The following EDIL3 variants were observed in gnomAD, a reference collection of about 807,000 sequenced individuals.
EDIL3 encodes EGF-like repeat and discoidin I-like domain-containing protein 3.
EDIL3 carries 37 observed loss-of-function variants against 67.4 expected under a neutral mutation model. That is an observed-to-expected ratio of 0.55 (90% CI 0.42 to 0.72). EDIL3 has a LOEUF of 0.72. EDIL3 is among the 30% of genes least tolerant of loss of function. EDIL3 has a pLI of 0.00. For synonymous variants in EDIL3, 195 were observed against 196.3 expected (o/e 0.99, Z 0.05); for missense variants, 527 against 586.3 (o/e 0.90, Z 1.04).
At chr5:84,308,317 T>A (rs1051826669) in intron 1 of EDIL3, among the ~76,000 whole-genome samples, 3 of 152,112 alleles carry the variant, frequency 2.0e-5, no homozygotes, top group Admixed American at 2.0e-4. Context: ...CTGGAGGATA[T>A]GCAAATAGGC....
chr5:83,945,826 A>G (rs558320684), intron 10 of EDIL3, among the ~76,000 whole-genome samples: 2 of 151,996 alleles, frequency 1.3e-5, no homozygotes, highest in Non-Finnish European at 2.9e-5. Context: ...TCACAGAAAA[A>G]CAGCCGAAAT....
chr5:83,960,183 A>G (rs536332854), intron 10 of EDIL3, among the ~76,000 whole-genome samples: 1 of 151,228 alleles, frequency 6.6e-6, no homozygotes, highest in African/African-American at 2.4e-5. Flanking sequence ...ATTTCTTCTT[A>G]AAACTACCAG....
intron 1 of EDIL3, among the ~76,000 whole-genome samples, chr5:84,300,955 T>C (rs1040525588): frequency 1.8e-5 from 2 of 112,518 alleles, no homozygotes; most frequent in Non-Finnish European, 4.4e-5. Flanking sequence ...CACACACACG[T>C]CTCATAAAAT....
chr5:83,941,945 T>G lies in EDIL3; in HGVS notation c.*1474A>C, dbSNP rs1483380960. On this transcript the variant is annotated 3_prime_UTR_variant, in exon 11 of 11. Coordinates refer to ENST00000296591, the MANE Select transcript of EDIL3 (RefSeq NM_005711.5). Reference sequence around the variant, plus strand: ...GACAAGACAGTAACAGTCTAGTGGCTTTTGTTATGCAGCACAAATATTAAA... The same window carrying G: ...GACAAGACAGTAACAGTCTAGTGGCGTTTGTTATGCAGCACAAATATTAAA... The G allele has an allele frequency of 2.0e-5, 3 of 152,066 alleles. No individual in the cohort carries two copies. Among genetic ancestry groups the G allele is most frequent in the African/African-American group, 7.2e-5 (3 of 41,454 alleles). 9.4% of individuals were successfully genotyped at this position (152,066 alleles called of 1,614,324 possible).
intron 9 of EDIL3, among the ~76,000 whole-genome samples, chr5:84,002,951 G>A (rs555452156): frequency 1.3e-4 from 20 of 152,296 alleles, no homozygotes; most frequent in African/African-American, 4.8e-4. Flanking sequence ...CTCTACCAGT[G>A]GCTGAACATT....
At chr5:84,186,695 T>A (rs1161122926) in intron 3 of EDIL3, among the ~76,000 whole-genome samples, 1 of 152,054 alleles carries the variant, frequency 6.6e-6, no homozygotes, top group South Asian at 2.1e-4. Context: ...ATTTGAGGCA[T>A]CTCATATAGT....
intron 9 of EDIL3, among the ~76,000 whole-genome samples, chr5:83,980,435 G>C (rs1744950809): frequency 6.6e-6 from 1 of 151,636 alleles, no homozygotes; most frequent in African/African-American, 2.4e-5. Flanking sequence ...GAAAATCCCT[G>C]TAATCCCAGT....
chr5:83,947,563 T>C (rs985654295), intron 10 of EDIL3, among the ~76,000 whole-genome samples: 1 of 151,880 alleles, frequency 6.6e-6, no homozygotes, highest in Non-Finnish European at 1.5e-5. Flanking sequence ...TCTACCCATA[T>C]AATGAAAGAA....
intron 4 of EDIL3, among the ~76,000 whole-genome samples, chr5:84,143,708 A>T (rs1748244861): frequency 6.6e-6 from 1 of 152,042 alleles, no homozygotes. Context: ...GGTTATCAAG[A>T]GGGTGTTATG....
At chr5:84,267,506 T>C (rs1265807352) in intron 1 of EDIL3, among the ~76,000 whole-genome samples, 1 of 152,198 alleles carries the variant, frequency 6.6e-6, no homozygotes, top group Non-Finnish European at 1.5e-5. Context: ...TAGAAAGATA[T>C]ATTGGTTCCA....
chr5:84,118,750 C>A (rs141049351), intron 5 of EDIL3, among the ~76,000 whole-genome samples: 8 of 152,256 alleles, frequency 5.3e-5, no homozygotes, highest in Admixed American at 2.0e-4. Flanking sequence ...CTTTCAGCAG[C>A]TCCAGATTAA....
At chr5:83,996,459 A>G (rs540938915) in intron 9 of EDIL3, among the ~76,000 whole-genome samples, 2 of 152,168 alleles carry the variant, frequency 1.3e-5, no homozygotes, top group African/African-American at 2.4e-5. Context: ...TCAAATTAAG[A>G]GCCACCATTG....
At chr5:84,333,170 T>C (rs1214712369) in intron 1 of EDIL3, among the ~76,000 whole-genome samples, 1 of 152,162 alleles carries the variant, frequency 6.6e-6, no homozygotes, top group Non-Finnish European at 1.5e-5. Flanking sequence ...ATAGAGACAT[T>C]TGAAGATTAA....
intron 2 of EDIL3, among the ~76,000 whole-genome samples, chr5:84,236,773 A>T (rs1268929018): frequency 6.6e-6 from 1 of 151,584 alleles, no homozygotes; most frequent in African/African-American, 2.4e-5. Flanking sequence ...AAATTTAATG[A>T]CTGTTTTTAC....
intron 3 of EDIL3, among the ~76,000 whole-genome samples, chr5:84,224,070 G>A (rs947223853): frequency 6.6e-6 from 1 of 151,204 alleles, no homozygotes; most frequent in Admixed American, 6.6e-5. Flanking sequence ...TTAGGCAAGA[G>A]AAGGAAAAAA....
At chr5:84,017,376 G>A (rs1216480586) in intron 9 of EDIL3, among the ~76,000 whole-genome samples, 1 of 152,118 alleles carries the variant, frequency 6.6e-6, no homozygotes, top group African/African-American at 2.4e-5. Context: ...TTTAAAGACA[G>A]TTTCACTTGT....
chr5:84,132,370 A>G (rs1302384820), intron 5 of EDIL3, among the ~76,000 whole-genome samples: 2 of 13,630 alleles, frequency 1.5e-4, no homozygotes, highest in Admixed American at 2.7e-3. Context: ...TATATTATAT[A>G]TATTATATAT....
intron 1 of EDIL3, among the ~76,000 whole-genome samples, chr5:84,321,525 G>T (rs1337024709): frequency 6.6e-6 from 1 of 152,056 alleles, no homozygotes; most frequent in South Asian, 2.1e-4. Flanking sequence ...TGCAAATTCT[G>T]GTAACGCATC....
At chr5:84,139,318 G>A (rs1748148774) in intron 4 of EDIL3, among the ~76,000 whole-genome samples, 1 of 146,374 alleles carries the variant, frequency 6.8e-6, no homozygotes, top group Non-Finnish European at 1.5e-5. Context: ...AGGGAGGGAG[G>A]GAGGCAGTGA....
Sources: allele counts gnomAD v4.1 joint callset (sites outside exome capture counted in the v4.1 genomes callset), GRCh38; gene constraint gnomAD v4.1.1; transcripts MANE v1.5; gene names NCBI Gene and HGNC (gene_info 2026-07-23, HGNC 2026-07-21).